Variants in R3HDM2 observed in about 807,000 individuals in gnomAD.
The protein encoded by R3HDM2 is R3H domain-containing protein 2.
In R3HDM2, 38 loss-of-function variants were observed where a neutral mutation model predicts 124.5. The ratio of observed to expected loss-of-function variants is 0.31; its 90% CI spans 0.24 to 0.40. The LOEUF is 0.40. Among genes scored for constraint, R3HDM2 ranks in the 10% least tolerant of loss-of-function variants. The pLI is 1.00. For missense variants in R3HDM2, 869 were observed against 1,236.9 expected (o/e 0.70, Z 4.46); for synonymous variants, 391 against 448.0 (o/e 0.87, Z 1.61).
chr12:57,430,940 A>AG lies in R3HDM2; in HGVS notation c.-327dup, dbSNP rs1424491003. 2.5e-5 allele frequency: 3 copies of AG among 121,720 alleles called. No homozygotes were observed. The highest frequency in any genetic ancestry group is 9.3e-5 in the African/African-American group (3 of 32,384). The allele number at this position is 121,720 out of a possible 1,614,324, so 7.5% of individuals were successfully genotyped here. ...GAAGGAGGGGGGAGAGGGGAAGAAA[A>AG]GGGGGGAACCAAACCCGGAAAGGGA... is the stretch of plus-strand genomic sequence containing the variant. On this transcript the variant is annotated 5_prime_UTR_variant, in exon 1 of 24. Transcript: ENST00000402412.
chr12:57,344,177 T>C (rs890224495), intron 2 of R3HDM2, among the ~76,000 whole-genome samples: 2 of 152,178 alleles, frequency 1.3e-5, no homozygotes, highest in Admixed American at 1.3e-4. Flanking sequence ...GTTAAGGTCA[T>C]TCTGAACTAT....
At chr12:57,263,751 G>A (rs910336661) in intron 19 of R3HDM2, among the ~76,000 whole-genome samples, 4 of 152,128 alleles carry the variant, frequency 2.6e-5, no homozygotes, top group African/African-American at 9.7e-5. Context: ...GGGATTACAG[G>A]CATGAGACAC....
chr12:57,271,241 T>A (rs2043522945), intron 14 of R3HDM2, among the ~76,000 whole-genome samples: 1 of 152,130 alleles, frequency 6.6e-6, no homozygotes, highest in Non-Finnish European at 1.5e-5. Context: ...AGAAACTACT[T>A]CCAATTCTCA....
chr12:57,365,747 C>A (rs368129193), intron 2 of R3HDM2, among the ~76,000 whole-genome samples: 25 of 152,150 alleles, frequency 1.6e-4, no homozygotes, highest in African/African-American at 5.3e-4. Flanking sequence ...ACCAGCCTGG[C>A]CAACATGGTG....
intron 1 of R3HDM2, among the ~76,000 whole-genome samples, chr12:57,420,152 C>T (rs1321574097): frequency 6.6e-6 from 1 of 152,108 alleles, no homozygotes; most frequent in African/African-American, 2.4e-5. Context: ...GGCTCAAGAA[C>T]TTCATTCTGT....
intron 2 of R3HDM2, among the ~76,000 whole-genome samples, chr12:57,342,256 C>G (rs954067610): frequency 6.6e-6 from 1 of 152,116 alleles, no homozygotes; most frequent in African/African-American, 2.4e-5. Flanking sequence ...GGAATTTTGC[C>G]GGAAGAAATT....
intron 4 of R3HDM2, among the ~76,000 whole-genome samples, chr12:57,300,879 A>G (rs6581132): frequency 0.97 from 148,168 of 152,214 alleles, 72,248 homozygotes; most frequent in Middle Eastern, 1. Context: ...TGAGGTAGGA[A>G]GATCACTTGA....
intron 2 of R3HDM2, among the ~76,000 whole-genome samples, chr12:57,335,335 G>GT (rs1437577970): frequency 6.6e-6 from 1 of 150,916 alleles, no homozygotes; most frequent in Non-Finnish European, 1.5e-5. Flanking sequence ...AGCCTCCCAA[G>GT]TAGCTGGGAC....
chr12:57,276,387 A>T lies in R3HDM2; in HGVS notation c.1344+3971T>A, dbSNP rs995595815. On this transcript the variant is annotated intron_variant, in intron 14 of 23. Coordinates refer to ENST00000402412, the MANE Select transcript of R3HDM2 (RefSeq NM_001394031.1). The stretch of plus-strand genomic sequence containing the variant: ...ATGGAACCAACCCAAATGCCCATCA[A>T]TCAATGAGTGGGTAAAGAAACTGTG... Among the ~76,000 whole-genome samples, 8 of 152,322 alleles carry T rather than the reference A, an allele frequency of 5.3e-5. No individual in the cohort carries two copies. In the East Asian group the frequency reaches 7.7e-4, roughly 15 times the overall value.
intron 2 of R3HDM2, among the ~76,000 whole-genome samples, chr12:57,377,131 A>G (rs1374761777): frequency 7.7e-6 from 1 of 129,224 alleles, no homozygotes; most frequent in African/African-American, 2.8e-5. Context: ...AGAAAAAAAA[A>G]AAAAATTAAA....
Position 57,350,705 on chromosome 12 carries a change from G to A in R3HDM2, c.-35-40242C>T, listed in dbSNP as rs151103136. On this transcript the variant is annotated intron_variant, in intron 2 of 23. Coordinates refer to ENST00000402412, the MANE Select transcript of R3HDM2 (RefSeq NM_001394031.1). ...AATGAGAACTCATGCCTGTAATCTC[G>A]ACACTTTGGGAGGCCAAAGCAGGAG... Among the ~76,000 whole-genome samples the A allele has an allele frequency of 4.9e-3, 751 of 152,204 alleles. 9 individuals carry two copies. The highest frequency in any genetic ancestry group is 0.017 in the African/African-American group (712 of 41,520).
intron 2 of R3HDM2, among the ~76,000 whole-genome samples, chr12:57,360,321 C>T (rs1371664733): frequency 1.3e-5 from 2 of 151,824 alleles, no homozygotes; most frequent in African/African-American, 4.8e-5. Flanking sequence ...AGCCACTGTG[C>T]CTGGTCTCAG....
At chr12:57,380,622 C>G (rs1260640207) in intron 2 of R3HDM2, among the ~76,000 whole-genome samples, 1 of 152,154 alleles carries the variant, frequency 6.6e-6, no homozygotes, top group Non-Finnish European at 1.5e-5. Flanking sequence ...AAGACATCAT[C>G]TTAAAACTCT....
intron 2 of R3HDM2, among the ~76,000 whole-genome samples, chr12:57,387,861 G>T (rs1480608379): frequency 6.6e-6 from 1 of 152,150 alleles, no homozygotes; most frequent in East Asian, 1.9e-4. Context: ...TGAAACCTTG[G>T]ATTTTAAACA....
chr12:57,259,036 C>A lies in R3HDM2; in HGVS notation c.2155G>T (p.Val719Leu), dbSNP rs776733760. The change falls in exon 20 of 24, where the codon GTA (valine) becomes TTA (leucine). Residue 719 changes from valine (V) to leucine (L), a missense_variant. Physicochemically the swap from Val to Leu is conservative, Grantham distance 32. Transcript: ENST00000402412. ...GGGACATTCAGCTGCATGACCACTA[C>A]ACCTGGTCCAGAAGGTGACACTCCT... ...YSGVSPSGPG[V>L]VVMQLNVPNG... 6.2e-7 allele frequency: 1 copy of A among 1,612,706 alleles called. No individual in the cohort carries two copies. The highest frequency in any genetic ancestry group is 8.5e-7 in the Non-Finnish European group (1 of 1,179,618).
intron 1 of R3HDM2, among the ~76,000 whole-genome samples, chr12:57,411,608 C>T (rs1208016608): frequency 6.6e-6 from 1 of 152,228 alleles, no homozygotes; most frequent in African/African-American, 2.4e-5. Context: ...GTGGACAAGA[C>T]TGACATGTCT....
intron 2 of R3HDM2, among the ~76,000 whole-genome samples, chr12:57,314,209 G>C (rs1006239815): frequency 2.7e-5 from 4 of 150,752 alleles, no homozygotes; most frequent in Non-Finnish European, 5.9e-5. Context: ...ATCAGGCACG[G>C]TAGCTCACGC....
At chr12:57,413,604 C>T (rs1250790699) in intron 1 of R3HDM2, among the ~76,000 whole-genome samples, 5 of 151,340 alleles carry the variant, frequency 3.3e-5, no homozygotes, top group Admixed American at 2.6e-4. Flanking sequence ...GGCATGGTGG[C>T]GGGCACCTGT....
intron 1 of R3HDM2, among the ~76,000 whole-genome samples, chr12:57,422,911 G>A (rs2070347089): frequency 1.3e-5 from 2 of 152,122 alleles, no homozygotes; most frequent in Admixed American, 1.3e-4. Context: ...AGACAGCAGT[G>A]AGTCATGATC....
Sources: allele counts gnomAD v4.1 joint callset (sites outside exome capture counted in the v4.1 genomes callset), GRCh38; gene constraint gnomAD v4.1.1; transcripts MANE v1.5; gene names NCBI Gene and HGNC (gene_info 2026-07-23, HGNC 2026-07-21).